KIF20B: variants seen among roughly 807,000 people sequenced by gnomAD.
The protein encoded by KIF20B is kinesin-like protein KIF20B.
Under a neutral mutation model 232.5 loss-of-function variants are expected in KIF20B, and 188 were observed. The observed-to-expected ratio is 0.81, with a 90% CI of 0.72 to 0.91. The LOEUF (loss-of-function observed/expected upper bound fraction) is 0.91. Ranked by LOEUF, KIF20B falls within the 40% of genes least tolerant of loss-of-function variation. The pLI is 0.00. For synonymous variants in KIF20B, 712 were observed against 683.0 expected, an observed-to-expected ratio of 1.04 and a Z score of -0.66; for missense variants, 2,154 against 2,055.9, an observed-to-expected ratio of 1.05 and a Z score of -0.92.
chr10:89,725,723 G>A (rs969690616), intron 15 of KIF20B, among the ~76,000 whole-genome samples: 3 of 152,164 alleles, frequency 2.0e-5, no homozygotes, highest in Admixed American at 6.5e-5. Context: ...ACAGGTGCAC[G>A]CCACTGTGCT....
intron 22 of KIF20B, among the ~76,000 whole-genome samples, chr10:89,745,402 A>G (rs1841887662): frequency 6.6e-6 from 1 of 152,088 alleles, no homozygotes; most frequent in Non-Finnish European, 1.5e-5. Flanking sequence ...ACACGCCTAT[A>G]ATCCCAGTTA....
intron 21 of KIF20B, among the ~76,000 whole-genome samples, chr10:89,743,589 A>G (rs998737474): frequency 6.6e-6 from 1 of 152,194 alleles, no homozygotes; most frequent in African/African-American, 2.4e-5. Context: ...GGAACAAGAA[A>G]TTGAGTTTTT....
intron 23 of KIF20B, among the ~76,000 whole-genome samples, chr10:89,748,176 A>G (rs1054050879): frequency 2.0e-5 from 3 of 152,146 alleles, no homozygotes; most frequent in African/African-American, 7.2e-5. Context: ...TGCCTGGCTA[A>G]TTTTTGTATT....
rs1842182243 is a variant in KIF20B, at chr10:89,758,784, G to A, written c.4582G>A (p.Ala1528Thr). The A allele has an allele frequency of 1.6e-5, 25 of 1,608,358 alleles. No homozygotes were observed. Among genetic ancestry groups the A allele is most frequent in the Non-Finnish European group, 2.1e-5 (25 of 1,177,288 alleles). The change falls in exon 27 of 33, where the codon GCT (alanine) becomes ACT (threonine). Residue 1528 changes from alanine to threonine, a missense_variant. Transcript: ENST00000371728. ...AGAAGAACGAGATCAACTGGTTGCA[G>A]CTTTAGAAATACAGCTAAAAGCACT... ...WREERDQLVA[A>T]LEIQLKALIS...
At chr10:89,706,631 ATTT>A (rs78731683) in intron 2 of KIF20B, among the ~76,000 whole-genome samples, 13 of 144,974 alleles carry the variant, frequency 9.0e-5, no homozygotes, top group African/African-American at 2.0e-4. Context: ...GCTTCCATAC[ATTT>A]TTTTTTTTTT....
chr10:89,732,863 CT>C, intron 18 of KIF20B, 39 bp from the exon 19 acceptor site: 2 of 1,433,784 alleles, frequency 1.4e-6, no homozygotes, highest in Non-Finnish European at 1.9e-6. Flanking sequence ...TTTTTTGTAG[CT>C]TTCTATATGT....
intron 13 of KIF20B, among the ~76,000 whole-genome samples, chr10:89,723,311 G>A (rs1040746671): frequency 8.5e-5 from 13 of 152,146 alleles, no homozygotes; most frequent in Non-Finnish European, 4.4e-5. Context: ...TTTATGTTAT[G>A]AATGTATAAT....
rs969850868 is a variant in KIF20B, at chr10:89,711,577, A to C, written c.675+432A>C. 5.3e-5 allele frequency among the ~76,000 whole-genome samples: 8 copies of C among 152,048 alleles called. No individual in the cohort carries two copies. In the South Asian group the frequency reaches 6.2e-4, roughly 12 times the overall value. ...TTGTTTTTGGACCTTTTCTCTCTCT[A>C]TATAAAATCCATATACAGAGCTTTC... On this transcript the variant is annotated intron_variant, in intron 6 of 32. Coordinates refer to ENST00000371728, the MANE Select transcript of KIF20B (RefSeq NM_001284259.2).
intron 11 of KIF20B, 72 bp from the exon 12 acceptor site, chr10:89,718,638 A>G: frequency 1.7e-6 from 2 of 1,196,222 alleles, no homozygotes; most frequent in South Asian, 1.4e-5. Context: ...ATTTCTTTGT[A>G]AAATGTCTCA....
intron 2 of KIF20B, among the ~76,000 whole-genome samples, chr10:89,706,708 G>A (rs1319408793): frequency 1.3e-5 from 2 of 150,928 alleles, no homozygotes; most frequent in Non-Finnish European, 3.0e-5. Context: ...TGTTGTTTTG[G>A]TGCTTTACAA....
At chr10:89,731,527 C>G (rs1326826116) in intron 18 of KIF20B, among the ~76,000 whole-genome samples, 5 of 152,174 alleles carry the variant, frequency 3.3e-5, no homozygotes, top group Non-Finnish European at 2.9e-5. Flanking sequence ...TGAGCGCAAA[C>G]TCTTTCCAAT....
rs199628878 is a variant in KIF20B, at chr10:89,774,057, T to C, written c.*9T>C. On this transcript the variant is annotated 3_prime_UTR_variant, in exon 33 of 33. Transcript: ENST00000371728. The stretch of plus-strand genomic sequence containing the variant: ...CAAAAACAGCCAAATAAATCACTTA[T>C]GGAAATGTTTAATATAAATTTTATA... The C allele has an allele frequency of 1.1e-4, 166 of 1,542,480 alleles. No homozygotes were observed. Among genetic ancestry groups the C allele is most frequent in the Non-Finnish European group, 1.3e-4 (152 of 1,130,824 alleles).
intron 15 of KIF20B, among the ~76,000 whole-genome samples, chr10:89,726,062 C>T (rs1843180875): frequency 6.6e-6 from 1 of 152,150 alleles, no homozygotes; most frequent in Admixed American, 6.5e-5. Context: ...TGACTTGTCA[C>T]AGTTTGTAAC....
chr10:89,754,319 T>C (rs1842077903), intron 25 of KIF20B, among the ~76,000 whole-genome samples, 199 bp from the exon 26 acceptor site: 1 of 152,052 alleles, frequency 6.6e-6, no homozygotes, highest in African/African-American at 2.4e-5. Context: ...AACTTATAAA[T>C]GAAATGCGTT....
At chr10:89,741,021 T>C (rs1459597109) in intron 21 of KIF20B, among the ~76,000 whole-genome samples, 1 of 152,228 alleles carries the variant, frequency 6.6e-6, no homozygotes, top group Non-Finnish European at 1.5e-5. Context: ...GTGCACTTTA[T>C]ATTATTATTA....
chr10:89,721,908 C>G (rs912537517), intron 13 of KIF20B, among the ~76,000 whole-genome samples: 14 of 151,958 alleles, frequency 9.2e-5, no homozygotes, highest in African/African-American at 3.4e-4. Context: ...TAGGTGTTGG[C>G]ATGCTTTATT....
chr10:89,711,321 T>C (rs148333204), intron 6 of KIF20B, among the ~76,000 whole-genome samples, 176 bp downstream of exon 6: 201 of 152,316 alleles, frequency 1.3e-3, no homozygotes, highest in African/African-American at 4.6e-3. Flanking sequence ...ATTTATATTA[T>C]ACCAACAGCA....
intron 29 of KIF20B, among the ~76,000 whole-genome samples, chr10:89,763,788 G>T (rs1447951911): frequency 6.6e-6 from 1 of 150,826 alleles, no homozygotes; most frequent in Non-Finnish European, 1.5e-5. Context: ...CTTCGCTTTT[G>T]CTCTGCAAGT....
At position 89,703,314 on chromosome 10, in the gene KIF20B, G is replaced by A. The variant is rs541090342; in HGVS notation, c.-2+1634G>A. Among the ~76,000 whole-genome samples the A allele has an allele frequency of 1.3e-5, 2 of 152,212 alleles. 1 individual carries two copies. The highest frequency in any genetic ancestry group is 4.2e-4 in the South Asian group (2 of 4,818). On this transcript the variant is annotated intron_variant, in intron 1 of 32. Coordinates refer to ENST00000371728, the MANE Select transcript of KIF20B (RefSeq NM_001284259.2). ...AAAGTCAACTATGTTCTTGTGATAC[G>A]TTTAGGAATTTCAGCCTGATCAAGG...
Sources: gnomAD v4.1 joint callset for allele counts (sites outside exome capture counted in the v4.1 genomes callset) on GRCh38, gnomAD v4.1.1 for gene constraint, MANE v1.5 for transcripts, NCBI Gene and HGNC (gene_info 2026-07-23, HGNC 2026-07-21) for gene names.